Variants in TTC21B observed in about 807,000 individuals in gnomAD.
TTC21B encodes tetratricopeptide repeat domain 21B, also known as tetratricopeptide repeat protein 21B.
TTC21B carries 127 observed loss-of-function variants against 175.1 expected under a neutral mutation model. The observed-to-expected ratio is 0.73, with a 90% CI of 0.63 to 0.84. TTC21B has a LOEUF of 0.84. Ranked by LOEUF, TTC21B falls within the 40% of genes least tolerant of loss-of-function variation. TTC21B has a pLI of 0.00. For missense variants in TTC21B, 1,561 were observed against 1,558.3 expected, an observed-to-expected ratio of 1.00 and a Z score of -0.03; for synonymous variants, 524 against 524.5, an observed-to-expected ratio of 1.00 and a Z score of 0.01.
intron 15 of TTC21B, among the ~76,000 whole-genome samples, chr2:165,914,366 A>T (rs938953772): frequency 2.0e-5 from 3 of 152,188 alleles, no homozygotes; most frequent in Non-Finnish European, 4.4e-5. Context: ...AATTATTTTC[A>T]TATCATTAGA....
In TTC21B at chr2:165,899,828, C is replaced by T; in HGVS notation, c.2810G>A (p.Cys937Tyr). The change falls in exon 21 of 29, where the codon TGC becomes TAC. Residue 937 changes from cysteine (C) to tyrosine (Y), a missense_variant. Transcript: ENST00000243344. The part of the protein sequence containing the change: ...LYLAQDDPDS[C>Y]LRQCALLLQS... Reference sequence around the variant, plus strand: ...AAGCAGTAGAGCACACTGCCGCAGGCAGGAATCAGGGTCATCTTGTGCCAG... The same window carrying T: ...AAGCAGTAGAGCACACTGCCGCAGGTAGGAATCAGGGTCATCTTGTGCCAG... 1 of 1,613,978 alleles carries T rather than the reference C, an allele frequency of 6.2e-7. No individual in the cohort carries two copies. Among genetic ancestry groups the T allele is most frequent in the Non-Finnish European group, 8.5e-7 (1 of 1,179,966 alleles).
intron 6 of TTC21B, among the ~76,000 whole-genome samples, chr2:165,938,937 T>C (rs1687265616): frequency 6.6e-6 from 1 of 152,202 alleles, no homozygotes; most frequent in Admixed American, 6.6e-5. Context: ...GGATAATTGA[T>C]ATTAAAAAGC....
intron 19 of TTC21B, among the ~76,000 whole-genome samples, chr2:165,904,333 T>C (rs984609214): frequency 2.0e-5 from 3 of 152,124 alleles, no homozygotes; most frequent in East Asian, 1.9e-4. Flanking sequence ...TTTAATGATA[T>C]CATAAACTTA....
At chr2:165,932,589 A>C (rs900508847) in intron 7 of TTC21B, among the ~76,000 whole-genome samples, 1 of 152,132 alleles carries the variant, frequency 6.6e-6, no homozygotes. Context: ...AATTCAGTTA[A>C]ATTGTAAATA....
chr2:165,953,668 C>G lies in TTC21B; in HGVS notation c.21+17G>C, dbSNP rs1339259226. 1.3e-6 allele frequency: 2 copies of G among 1,546,704 alleles called. No homozygotes were observed. The highest frequency in any genetic ancestry group is 2.7e-5 in the African/African-American group (2 of 72,786). ...GCCCGCCCGCCCGCTCACCCGCTCA[C>G]CCGCTCACCCGCTCACCTTCAATTC... On this transcript the variant is annotated intron_variant, in intron 1 of 28. Transcript: ENST00000243344.
intron 14 of TTC21B, among the ~76,000 whole-genome samples, 195 bp downstream of exon 14, chr2:165,917,062 A>C (rs1326706249): frequency 6.6e-6 from 1 of 152,098 alleles, no homozygotes; most frequent in African/African-American, 2.4e-5. Flanking sequence ...TATTTTTAGT[A>C]GAGACAGGGT....
In TTC21B at chr2:165,945,684, T is replaced by C. The variant is rs1687532449; in HGVS notation, c.269A>G (p.Glu90Gly). 1 of 1,612,884 alleles carries C rather than the reference T, an allele frequency of 6.2e-7. No individual in the cohort carries two copies. Among genetic ancestry groups the C allele is most frequent in the Non-Finnish European group, 8.5e-7 (1 of 1,179,664 alleles). Residue 90 changes from glutamate to glycine, a missense_variant, in exon 4 of 29, where the codon GAA (glutamate) becomes GGA (glycine). Glu to Gly is a moderately conservative substitution (Grantham distance 98, BLOSUM62 -2). Transcript: ENST00000243344. Reference sequence around the variant, plus strand: ...TCTGGCATCTGATTCCAGAATAGCTTCTCTATCTGGTAGGGGAAAATGATA... The same window carrying C: ...TCTGGCATCTGATTCCAGAATAGCTCCTCTATCTGGTAGGGGAAAATGATA... ...AHKMSPNPDR[E>G]AILESDARVK...
chr2:165,883,646 G>C lies in TTC21B; in HGVS notation c.3684+148C>G. ...AAATGGCTTTTTTCTTATTATTAAT[G>C]CTTGTTTCCTGATTGTGGTAAGAAT... On this transcript the variant is annotated intron_variant, in intron 26 of 28. Coordinates refer to ENST00000243344, the MANE Select transcript of TTC21B (RefSeq NM_024753.5). 5.9e-6 allele frequency: 4 copies of C among 681,308 alleles called. No homozygotes were observed. In the South Asian group the frequency reaches 7.2e-5, roughly 12 times the overall value. The allele number at this position is 681,308 out of a possible 1,614,324, so 42.2% of individuals were successfully genotyped here. A position where few individuals can be genotyped will look rare whatever the true frequency, so the allele number is the denominator to read the frequency against.
In TTC21B at chr2:165,883,913, T is replaced by C; in HGVS notation, c.3565A>G (p.Asn1189Asp). 1 of 1,614,160 alleles carries C rather than the reference T, an allele frequency of 6.2e-7. No homozygotes were observed. Among genetic ancestry groups the C allele is most frequent in the South Asian group, 1.1e-5 (1 of 91,088 alleles). Reference protein sequence around the residue: ...QLKRIAKMNWNAIDAEEFEKS... With the variant: ...QLKRIAKMNWDAIDAEEFEKS... ...TCAAACTCTTCAGCATCAATAGCAT[T>C]CCAATTCATTTTCGCAATACGCTTC... Residue 1189 changes from asparagine to aspartate, a missense_variant, in exon 26 of 29, where the codon AAT becomes GAT. Coordinates refer to ENST00000243344, the MANE Select transcript of TTC21B (RefSeq NM_024753.5).
At chr2:165,879,323 T>A (rs1684768408) in intron 27 of TTC21B, among the ~76,000 whole-genome samples, 1 of 152,244 alleles carries the variant, frequency 6.6e-6, no homozygotes, top group South Asian at 2.1e-4. Context: ...ATTTAAGGAC[T>A]TTTCATTTTA....
At position 165,880,624 on chromosome 2, in the gene TTC21B, T is replaced by G. The variant is rs561332482; in HGVS notation, c.3805+55A>C. The G allele has an allele frequency of 1.9e-4, 306 of 1,594,592 alleles. 1 individual carries two copies. The highest frequency in any genetic ancestry group is 8.7e-5 in the Non-Finnish European group (101 of 1,165,916). On this transcript the variant is annotated intron_variant, in intron 27 of 28. Coordinates refer to ENST00000243344, the MANE Select transcript of TTC21B (RefSeq NM_024753.5). ...AAAATCAAATGCATTTAAATGAAAA[T>G]TAATAAATACAACATAATTTTTCTG... is the stretch of plus-strand genomic sequence containing the variant.
In TTC21B at chr2:165,924,529, G is replaced by A; in HGVS notation, c.1516+20C>T. ...CAACATCAGAATAAAAAGGTTAAAAGTTTTTAAGGTATACTCTACCTGACA... is the reference window on the plus strand; with the variant it reads ...CAACATCAGAATAAAAAGGTTAAAAATTTTTAAGGTATACTCTACCTGACA... On this transcript the variant is annotated intron_variant, in intron 12 of 28. Coordinates refer to ENST00000243344, the MANE Select transcript of TTC21B (RefSeq NM_024753.5). 2 of 1,610,504 alleles carry A rather than the reference G, an allele frequency of 1.2e-6. No homozygotes were observed. Among genetic ancestry groups the A allele is most frequent in the Non-Finnish European group, 1.7e-6 (2 of 1,177,810 alleles).
At chr2:165,877,667 C>T (rs151083354) in intron 27 of TTC21B, among the ~76,000 whole-genome samples, 485 of 152,010 alleles carry the variant, frequency 3.2e-3, no homozygotes, top group Admixed American at 6.0e-3. Flanking sequence ...CATTGTTAAG[C>T]GACACATGAC....
chr2:165,938,517 AT>A (rs201787403), intron 6 of TTC21B, among the ~76,000 whole-genome samples: 2,804 of 152,284 alleles, frequency 0.018, 122 homozygotes, highest in Admixed American at 0.1. Context: ...ACAAAATTGA[AT>A]GTGAATTTAA....
intron 28 of TTC21B, among the ~76,000 whole-genome samples, chr2:165,875,735 G>C (rs1684645049): frequency 6.6e-6 from 1 of 151,646 alleles, no homozygotes; most frequent in South Asian, 2.1e-4. Context: ...TAATGATCTG[G>C]AGAATCTATA....
chr2:165,914,782 CACGTTAGCATG>C (rs1686101521), intron 15 of TTC21B, among the ~76,000 whole-genome samples: 2 of 151,588 alleles, frequency 1.3e-5, no homozygotes, highest in Non-Finnish European at 2.9e-5. Flanking sequence ...CTGTAATCCA[CACGTTAGCATG>C]GTACATACTA....
chr2:165,873,678 T>C lies in TTC21B; in HGVS notation c.*1077A>G, dbSNP rs966427935. 6.6e-6 allele frequency: 1 copy of C among 152,100 alleles called. No individual in the cohort carries two copies. Among genetic ancestry groups the C allele is most frequent in the African/African-American group, 2.4e-5 (1 of 41,418 alleles). The allele number at this position is 152,100 out of a possible 1,614,324, so 9.4% of individuals were successfully genotyped here. ...GCAGACCAAGTCTTCTAGGCTAAGG[T>C]TAAATATCCCTAATAAGGGACCTAT... is the stretch of plus-strand genomic sequence containing the variant. On this transcript the variant is annotated 3_prime_UTR_variant, in exon 29 of 29. Coordinates refer to ENST00000243344, the MANE Select transcript of TTC21B (RefSeq NM_024753.5).
intron 8 of TTC21B, among the ~76,000 whole-genome samples, chr2:165,930,818 G>A (rs1686879561): frequency 6.6e-6 from 1 of 150,654 alleles, no homozygotes; most frequent in South Asian, 2.1e-4. Flanking sequence ...ACTAGGATCT[G>A]TTTTCCCCCT....
chr2:165,883,759 G>C, intron 26 of TTC21B, 35 bp downstream of exon 26: 1 of 1,510,820 alleles, frequency 6.6e-7, no homozygotes, highest in Non-Finnish European at 9.2e-7. Flanking sequence ...ATGCAACAAA[G>C]GTCAATAATT....
Sources: gnomAD v4.1 joint callset for allele counts (sites outside exome capture counted in the v4.1 genomes callset) on GRCh38, gnomAD v4.1.1 for gene constraint, MANE v1.5 for transcripts, NCBI Gene and HGNC (gene_info 2026-07-23, HGNC 2026-07-21) for gene names.